NUP133: variants seen among roughly 807,000 people sequenced by gnomAD.
NUP133 encodes nuclear pore complex protein Nup133.
In NUP133, 66 loss-of-function variants were observed where a neutral mutation model predicts 146.2. The ratio of observed to expected loss-of-function variants is 0.45; its 90% CI spans 0.37 to 0.55. The LOEUF (loss-of-function observed/expected upper bound fraction) is 0.55. Among genes scored for constraint, NUP133 ranks in the 20% least tolerant of loss-of-function variants. The pLI is 0.00. For synonymous variants in NUP133, 521 were observed against 498.8 expected (o/e 1.04, Z -0.59); for missense variants, 1,277 against 1,374.8 (o/e 0.93, Z 1.12).
chr1:229,481,783 A>C (rs920349096), intron 12 of NUP133, among the ~76,000 whole-genome samples: 1 of 152,050 alleles, frequency 6.6e-6, no homozygotes, highest in Non-Finnish European at 1.5e-5. Context: ...CTACAAACCA[A>C]GGATTGCTAG....
intron 15 of NUP133, among the ~76,000 whole-genome samples, chr1:229,469,811 C>T: frequency 6.6e-6 from 1 of 152,236 alleles, no homozygotes; most frequent in South Asian, 2.1e-4. Flanking sequence ...CTTGCTGTGG[C>T]AGAGTCAAGA....
intron 13 of NUP133, among the ~76,000 whole-genome samples, chr1:229,476,087 G>A (rs920269064): frequency 2.0e-5 from 3 of 149,756 alleles, no homozygotes; most frequent in East Asian, 2.0e-4. Context: ...CCAGCCTGGC[G>A]ACAGAGCGAG....
At chr1:229,458,321 G>GT (rs878914507) in intron 20 of NUP133, 25 bp from the exon 21 acceptor site, 1 of 1,605,278 alleles carries the variant, frequency 6.2e-7, no homozygotes, top group East Asian at 2.2e-5. Flanking sequence ...GCAAACCATC[G>GT]TAAGATACTG....
intron 14 of NUP133, 122 bp from the exon 15 acceptor site, chr1:229,470,926 C>T: frequency 1.3e-6 from 1 of 751,224 alleles, no homozygotes; most frequent in Non-Finnish European, 2.2e-6. Flanking sequence ...CCCAGCAAGT[C>T]CCTCCAGCTG....
chr1:229,498,393 C>A, intron 5 of NUP133, 87 bp from the exon 6 acceptor site: 3 of 856,664 alleles, frequency 3.5e-6, no homozygotes, highest in African/African-American at 1.7e-5. Context: ...GAAAAATCAT[C>A]GTAATTGAAA....
Position 229,450,521 on chromosome 1 carries a change from T to A in NUP133, c.3180+4A>T. 6.6e-7 allele frequency: 1 copy of A among 1,522,538 alleles called. No individual in the cohort carries two copies. Among genetic ancestry groups the A allele is most frequent in the South Asian group, 1.2e-5 (1 of 83,518 alleles). The allele number at this position is 1,522,538 out of a possible 1,614,324, so 94.3% of individuals were successfully genotyped here. ...CTGAGATCATCTCAAGCAATTTTACTTACCTCATCAATATATTCCAACAAG... is the reference window on the plus strand; with the variant it reads ...CTGAGATCATCTCAAGCAATTTTACATACCTCATCAATATATTCCAACAAG... On this transcript the variant is annotated splice_donor_region_variant and intron_variant, in intron 23 of 25. Transcript: ENST00000261396.
At chr1:229,478,138 C>T (rs978370075) in intron 12 of NUP133, among the ~76,000 whole-genome samples, 1 of 151,350 alleles carries the variant, frequency 6.6e-6, no homozygotes, top group South Asian at 2.1e-4. Context: ...CTACTATGTA[C>T]CCATAAAAAT....
At chr1:229,503,781 G>A (rs1320487351) in intron 2 of NUP133, among the ~76,000 whole-genome samples, 1 of 152,150 alleles carries the variant, frequency 6.6e-6, no homozygotes, top group Non-Finnish European at 1.5e-5. Context: ...ACAGTAGTTG[G>A]CAGGTTTCTA....
Position 229,483,329 on chromosome 1 carries a change from G to A in NUP133, c.1592+725C>T, listed in dbSNP as rs1217899143. ...TTGTCCAGACTGGTCTCGAACTTCC[G>A]GGCTCAAGAGATCCTTCTGCCTCAG... On this transcript the variant is annotated intron_variant, in intron 12 of 25. Transcript: ENST00000261396. Among the ~76,000 whole-genome samples, 3 of 152,132 alleles carry A rather than the reference G, an allele frequency of 2.0e-5. No individual in the cohort carries two copies. In the East Asian group the frequency reaches 5.8e-4, roughly 29 times the overall value.
At chr1:229,449,878 T>A (rs1465401248) in intron 23 of NUP133, among the ~76,000 whole-genome samples, 1,089 of 103,330 alleles carry the variant, frequency 0.011, 6 homozygotes, top group African/African-American at 0.033. Context: ...TATATATTTT[T>A]TTTTTTTTTT....
At chr1:229,502,268 C>T (rs1446896429) in intron 2 of NUP133, among the ~76,000 whole-genome samples, 166 bp from the exon 3 acceptor site, 1 of 152,126 alleles carries the variant, frequency 6.6e-6, no homozygotes, top group Non-Finnish European at 1.5e-5. Flanking sequence ...TCTATTAACT[C>T]TGATAACCAA....
In NUP133 at chr1:229,499,784, G is replaced by C. The variant is rs371359337; in HGVS notation, c.548C>G (p.Ser183Cys). 36 of 1,613,952 alleles carry C rather than the reference G, an allele frequency of 2.2e-5. No homozygotes were observed. The African/African-American group carries it at 4.1e-4, about 19-fold the overall frequency. The change falls in exon 5 of 26, where the codon TCT becomes TGT. Residue 183 changes from serine to cysteine, a missense_variant. Ser to Cys is a moderately radical substitution (Grantham distance 112). This residue lies in a region of NUP133 where 319 missense variants were observed against 306.9 expected (regional missense o/e 1.04). Transcript: ENST00000261396. ...AGCAAGGCTTGGCCAATAGCGGATAGATCCTTCTCTGGTGGCAACCATGAC... is the reference window on the plus strand; with the variant it reads ...AGCAAGGCTTGGCCAATAGCGGATACATCCTTCTCTGGTGGCAACCATGAC... ...VAVMVATREG[S>C]IRYWPSLAGE...
chr1:229,447,856 G>A (rs917680974), intron 24 of NUP133, among the ~76,000 whole-genome samples: 2 of 152,104 alleles, frequency 1.3e-5, no homozygotes, highest in Non-Finnish European at 1.5e-5. Flanking sequence ...TTCCCAGGAG[G>A]TTAGGAATTC....
At position 229,475,671 on chromosome 1, in the gene NUP133, T is replaced by C. The variant is rs1472731707; in HGVS notation, c.1818A>G (p.Lys606=). The change falls in exon 14 of 26, where the codon AAA becomes AAG. Residue 606 remains lysine (K), a synonymous_variant. Transcript: ENST00000261396. ...TAAAGTCCATAAGAAAAGAGTGAGCTTTCATCTTGTCTTCTAGCTGGTGAA... is the reference window on the plus strand; with the variant it reads ...TAAAGTCCATAAGAAAAGAGTGAGCCTTCATCTTGTCTTCTAGCTGGTGAA... ...IILHQLEDKM[K]AHSFLMDFIH... The C allele has an allele frequency of 6.2e-7, 1 of 1,614,052 alleles. No individual in the cohort carries two copies. Among genetic ancestry groups the C allele is most frequent in the Non-Finnish European group, 8.5e-7 (1 of 1,179,988 alleles).
intron 17 of NUP133, 56 bp from the exon 18 acceptor site, chr1:229,464,931 G>A: frequency 1.3e-6 from 2 of 1,592,998 alleles, no homozygotes; most frequent in Admixed American, 1.7e-5. Context: ...GATGGCTAAA[G>A]GAAAGACTAA....
rs1452094953 is a variant in NUP133 at position 229,486,534 on chromosome 1, AG to A, written c.1343-7del. On this transcript the variant is annotated splice_polypyrimidine_tract_variant and splice_region_variant and intron_variant, in intron 10 of 25. Transcript: ENST00000261396. ...AGCACCTAAAACACTATCTCCTAAA[AG>A]AAAGGAAAACAGAGTCAAATACATC... 2 of 1,601,144 alleles carry A rather than the reference AG, an allele frequency of 1.2e-6. No individual in the cohort carries two copies. Among genetic ancestry groups the A allele is most frequent in the African/African-American group, 2.7e-5 (2 of 73,562 alleles).
intron 23 of NUP133, among the ~76,000 whole-genome samples, chr1:229,450,120 T>C (rs954542999): frequency 2.0e-5 from 3 of 150,446 alleles, no homozygotes; most frequent in Non-Finnish European, 4.4e-5. Flanking sequence ...GGCCTCAAAC[T>C]CCCAACCTCA....
intron 15 of NUP133, among the ~76,000 whole-genome samples, chr1:229,467,081 A>G (rs1660842998): frequency 6.6e-6 from 1 of 152,200 alleles, no homozygotes; most frequent in Non-Finnish European, 1.5e-5. Context: ...TCACTTTACA[A>G]TGTAATACCC....
intron 18 of NUP133, among the ~76,000 whole-genome samples, chr1:229,464,151 A>T (rs1457970583): frequency 6.6e-6 from 1 of 152,160 alleles, no homozygotes. Context: ...TCTCAACAAA[A>T]AAAAAAGATG....
Sources: allele counts gnomAD v4.1 joint callset (sites outside exome capture counted in the v4.1 genomes callset), GRCh38; gene constraint gnomAD v4.1.1; regional missense constraint gnomAD v4.1.1; transcripts MANE v1.5; gene names NCBI Gene and HGNC (gene_info 2026-07-23, HGNC 2026-07-21).